TP53BP1: variants seen among roughly 807,000 people sequenced by gnomAD.
TP53BP1 encodes the protein tumor protein p53 binding protein 1.
Under a neutral mutation model 200.8 loss-of-function variants are expected in TP53BP1, and 61 were observed. The observed-to-expected ratio is 0.30, with a 90% CI of 0.25 to 0.38. The LOEUF (loss-of-function observed/expected upper bound fraction) is 0.38. TP53BP1 is among the 10% of genes least tolerant of loss of function. The pLI is 1.00. For missense variants in TP53BP1, 2,144 were observed against 2,371.9 expected, an observed-to-expected ratio of 0.90 and a Z score of 2.00; for synonymous variants, 822 against 844.3, an observed-to-expected ratio of 0.97 and a Z score of 0.46.
At chr15:43,494,104 G>A (rs1272660286), upstream of TP53BP1, among the ~76,000 whole-genome samples, 1 of 152,096 alleles carries the variant, frequency 6.6e-6, no homozygotes, top group Admixed American at 6.6e-5. Context: ...AGGGGTGGGG[G>A]TATATTATTT....
At chr15:43,501,808 T>C (rs2079210701) in intron 1 of TP53BP1, among the ~76,000 whole-genome samples, 1 of 152,266 alleles carries the variant, frequency 6.6e-6, no homozygotes, top group Non-Finnish European at 1.5e-5. Context: ...CTCAGCAACA[T>C]TCAATTGTAT....
chr15:43,482,719 G>C (rs777833818), intron 4 of TP53BP1, among the ~76,000 whole-genome samples: 1 of 151,936 alleles, frequency 6.6e-6, no homozygotes, highest in Admixed American at 6.6e-5. Flanking sequence ...AGTGAGCCAA[G>C]ATCACGCTAC....
chr15:43,502,361 T>C (rs947385478), intron 1 of TP53BP1, among the ~76,000 whole-genome samples: 1 of 152,184 alleles, frequency 6.6e-6, no homozygotes. Context: ...AAAATGATTG[T>C]ATAATTTTAT....
At chr15:43,488,490 C>T (rs995001203) in intron 4 of TP53BP1, among the ~76,000 whole-genome samples, 3 of 152,216 alleles carry the variant, frequency 2.0e-5, no homozygotes, top group African/African-American at 7.2e-5. Flanking sequence ...TGTATCTTGA[C>T]TGTTGTGGTG....
intron 1 of TP53BP1, 106 bp from the exon 2 acceptor site, chr15:43,492,574 C>A (rs2079141769): frequency 1.3e-6 from 1 of 790,416 alleles, no homozygotes; most frequent in Non-Finnish European, 2.1e-6. Flanking sequence ...GAAACGGGAC[C>A]ACTTCAGGAC....
At chr15:43,432,058 G>GT in intron 17 of TP53BP1, 136 bp downstream of exon 17, 1 of 1,235,830 alleles carries the variant, frequency 8.1e-7, no homozygotes, top group Non-Finnish European at 1.1e-6. Flanking sequence ...TAGAAAAGTT[G>GT]TTTTTGTCTT....
intron 16 of TP53BP1, among the ~76,000 whole-genome samples, chr15:43,433,116 G>A (rs183198569): frequency 6.6e-6 from 1 of 152,088 alleles, no homozygotes; most frequent in Non-Finnish European, 1.5e-5. Flanking sequence ...TTCCTTAACT[G>A]ATTCCTAGCA....
chr15:43,430,721 A>G lies in TP53BP1; in HGVS notation c.3675+1473T>C, dbSNP rs1487772801. On this transcript the variant is annotated intron_variant, in intron 17 of 27. Coordinates refer to ENST00000382044, the MANE Select transcript of TP53BP1 (RefSeq NM_001141980.3). ...CAGATAATATCAAACCCTATACACT[A>G]TGTTTCTTCCTATACATACAGACCT... Among the ~76,000 whole-genome samples, 5 of 152,162 alleles carry G rather than the reference A, an allele frequency of 3.3e-5. No individual in the cohort carries two copies. The East Asian group carries it at 5.8e-4, about 18-fold the overall frequency.
chr15:43,427,370 G>A (rs2045563919), intron 18 of TP53BP1, among the ~76,000 whole-genome samples: 1 of 152,222 alleles, frequency 6.6e-6, no homozygotes, highest in Non-Finnish European at 1.5e-5. Flanking sequence ...GTTTGAAACG[G>A]AGTGTTCTAA....
chr15:43,451,055 T>C lies in TP53BP1; in HGVS notation c.2717-3570A>G, dbSNP rs183798369. ...ATGCCTGGCCAAGCATGTATCTTTTTTTAAAATCAATAAATCTATTAACAA... is the reference window on the plus strand; with the variant it reads ...ATGCCTGGCCAAGCATGTATCTTTTCTTAAAATCAATAAATCTATTAACAA... On this transcript the variant is annotated intron_variant, in intron 12 of 27. Coordinates refer to ENST00000382044, the MANE Select transcript of TP53BP1 (RefSeq NM_001141980.3). 1.0e-3 allele frequency among the ~76,000 whole-genome samples: 152 copies of C among 152,246 alleles called. 2 individuals are homozygous for C. The highest frequency in any genetic ancestry group is 3.4e-3 in the African/African-American group (142 of 41,550).
chr15:43,476,271 A>G (rs1438362360), intron 8 of TP53BP1, among the ~76,000 whole-genome samples: 2 of 152,174 alleles, frequency 1.3e-5, no homozygotes, highest in African/African-American at 4.8e-5. Flanking sequence ...TCTCAAAAAA[A>G]TAAATAAATA....
In TP53BP1 at chr15:43,500,362, C is replaced by A. The variant is rs187290996; in HGVS notation, c.-8-7894G>T. On this transcript the variant is annotated intron_variant, in intron 1 of 27. Coordinates refer to the TP53BP1 transcript ENST00000263801. Reference sequence around the variant, plus strand: ...ATGTACTTATATAATACACCTTCAACAATTAGCAACAAATGCTCAATCTTC... The same window carrying A: ...ATGTACTTATATAATACACCTTCAAAAATTAGCAACAAATGCTCAATCTTC... Among the ~76,000 whole-genome samples, 23 of 152,102 alleles carry A rather than the reference C, an allele frequency of 1.5e-4. No homozygotes were observed. The East Asian group carries it at 3.7e-3, about 24-fold the overall frequency.
intron 18 of TP53BP1, among the ~76,000 whole-genome samples, chr15:43,423,438 A>C (rs1490327102): frequency 6.6e-6 from 1 of 151,932 alleles, no homozygotes; most frequent in Non-Finnish European, 1.5e-5. Flanking sequence ...CAGGTGGATC[A>C]CTTGAGGTCA....
intron 4 of TP53BP1, among the ~76,000 whole-genome samples, chr15:43,491,311 C>G (rs1306042117): frequency 1.3e-5 from 2 of 152,120 alleles, no homozygotes; most frequent in East Asian, 3.9e-4. Context: ...AAACTCCTGA[C>G]CTCAAGTGAT....
intron 11 of TP53BP1, among the ~76,000 whole-genome samples, chr15:43,465,901 C>T (rs962514070): frequency 9.2e-5 from 14 of 152,170 alleles, no homozygotes; most frequent in African/African-American, 3.1e-4. Context: ...GTGATCCTCC[C>T]ACCTTAGCCT....
intron 1 of TP53BP1, among the ~76,000 whole-genome samples, chr15:43,504,765 A>T (rs930611378): frequency 2.0e-5 from 3 of 152,216 alleles, no homozygotes; most frequent in African/African-American, 7.2e-5. Context: ...CACTCCTGTA[A>T]TCCCAGTACT....
chr15:43,451,792 G>A (rs2046177318), intron 12 of TP53BP1, among the ~76,000 whole-genome samples: 1 of 152,306 alleles, frequency 6.6e-6, no homozygotes, highest in East Asian at 1.9e-4. Context: ...CTAGTTTACA[G>A]TCCCACCAAC....
chr15:43,453,063 G>A (rs1193044473), intron 12 of TP53BP1, among the ~76,000 whole-genome samples: 1 of 151,756 alleles, frequency 6.6e-6, no homozygotes, highest in Non-Finnish European at 1.5e-5. Flanking sequence ...ACGTGGTGGT[G>A]GGCGCCTGTA....
Position 43,424,790 on chromosome 15 carries a change from C to T in TP53BP1, c.3829-2664G>A, listed in dbSNP as rs530562623. 3.9e-5 allele frequency among the ~76,000 whole-genome samples: 6 copies of T among 152,230 alleles called. No individual in the cohort carries two copies. The South Asian group carries it at 8.3e-4, about 21-fold the overall frequency. ...TGTTAGTGGGGACAGGGATTAATGG[C>T]GTGCTATGGTTTGAACGTCTGCCCC... On this transcript the variant is annotated intron_variant, in intron 18 of 27. Transcript: ENST00000382044.
Sources: gnomAD v4.1 joint callset for allele counts (sites outside exome capture counted in the v4.1 genomes callset) on GRCh38, gnomAD v4.1.1 for gene constraint, MANE v1.5 for transcripts, NCBI Gene and HGNC (gene_info 2026-07-23, HGNC 2026-07-21) for gene names.